Variants in RERE observed in about 807,000 individuals in gnomAD.
RERE encodes arginine-glutamic acid dipeptide repeats protein.
RERE carries 40 observed loss-of-function variants against 146.1 expected under a neutral mutation model. That is an observed-to-expected ratio of 0.27 (90% CI 0.21 to 0.36). RERE has a LOEUF of 0.36. Among genes scored for constraint, RERE ranks in the 10% least tolerant of loss-of-function variants. The pLI, the probability that RERE is intolerant of heterozygous loss-of-function variation, is 1.00. For synonymous variants in RERE, 1,003 were observed against 866.0 expected (o/e 1.16, Z -2.78); for missense variants, 1,933 against 2,138.7 (o/e 0.90, Z 1.90).
chr1:8,799,897 C>T (rs966161344), intron 1 of RERE, among the ~76,000 whole-genome samples: 5 of 151,894 alleles, frequency 3.3e-5, no homozygotes, highest in African/African-American at 9.7e-5. Context: ...CCACAACCTC[C>T]ATCTCCCAAG....
At chr1:8,500,778 C>G (rs1645124452) in intron 8 of RERE, among the ~76,000 whole-genome samples, 2 of 151,764 alleles carry the variant, frequency 1.3e-5, no homozygotes, top group South Asian at 4.2e-4. Flanking sequence ...CGCCTCTTCC[C>G]CGCCGCCCAT....
At chr1:8,485,334 CTGGGGAACAACAGCG>C (rs1644885262) in intron 10 of RERE, among the ~76,000 whole-genome samples, 1 of 152,060 alleles carries the variant, frequency 6.6e-6, no homozygotes, top group Non-Finnish European at 1.5e-5. Flanking sequence ...GCACTCCAGC[CTGGGGAACAACAGCG>C]AAACTCTGTC....
At chr1:8,406,814 C>A (rs201106602) in intron 12 of RERE, among the ~76,000 whole-genome samples, 1 of 140,782 alleles carries the variant, frequency 7.1e-6, no homozygotes, top group East Asian at 2.1e-4. Flanking sequence ...TCTTAAAAAA[C>A]CTAAGAAGTA....
At chr1:8,532,226 A>C (rs1645663413) in intron 7 of RERE, among the ~76,000 whole-genome samples, 2 of 152,192 alleles carry the variant, frequency 1.3e-5, no homozygotes, top group Non-Finnish European at 2.9e-5. Context: ...ATTTCATTTA[A>C]ACATTTTACA....
chr1:8,814,190 G>A (rs1390258517), intron 1 of RERE, among the ~76,000 whole-genome samples: 2 of 152,150 alleles, frequency 1.3e-5, no homozygotes, highest in African/African-American at 4.8e-5. Context: ...AAAGTAAAGT[G>A]AATCAGAAGT....
intron 12 of RERE, among the ~76,000 whole-genome samples, chr1:8,412,142 A>G (rs1159636037): frequency 6.6e-6 from 1 of 152,204 alleles, no homozygotes; most frequent in African/African-American, 2.4e-5. Context: ...CAAACACACA[A>G]AAGTTACTAT....
At chr1:8,726,408 C>T (rs544797898) in intron 1 of RERE, among the ~76,000 whole-genome samples, 1 of 152,254 alleles carries the variant, frequency 6.6e-6, no homozygotes, top group East Asian at 1.9e-4. Flanking sequence ...CCGCCTCGGC[C>T]TCCCAAAGTG....
chr1:8,386,103 A>G (rs1160822883), intron 12 of RERE, among the ~76,000 whole-genome samples: 1 of 129,302 alleles, frequency 7.7e-6, no homozygotes, highest in East Asian at 2.6e-4. Context: ...CTAAGCTTCC[A>G]TGTAGGTGAA....
chr1:8,728,587 A>G (rs1640019029), intron 1 of RERE, among the ~76,000 whole-genome samples: 1 of 152,252 alleles, frequency 6.6e-6, no homozygotes, highest in Non-Finnish European at 1.5e-5. Flanking sequence ...TGAGATCAGC[A>G]GTATTTCCTC....
chr1:8,771,124 G>GC (rs1441213592), intron 1 of RERE, among the ~76,000 whole-genome samples: 2 of 152,034 alleles, frequency 1.3e-5, no homozygotes, highest in Non-Finnish European at 2.9e-5. Context: ...CAACCCACCT[G>GC]CTGGGGGGGG....
chr1:8,730,966 T>C (rs981109562), intron 1 of RERE, among the ~76,000 whole-genome samples: 1 of 152,086 alleles, frequency 6.6e-6, no homozygotes, highest in African/African-American at 2.4e-5. Flanking sequence ...CTAAACAAAC[T>C]GAAATCAATG....
chr1:8,745,256 C>T lies in RERE; in HGVS notation c.-145+71904G>A, dbSNP rs559738225. On this transcript the variant is annotated intron_variant, in intron 1 of 22. Transcript: ENST00000400908. ...CTTCCTCCTTTGCTCCTCACTCGCTCGTGCCACCTTGTGAAGGTGCCTGCT... is the reference window on the plus strand; with the variant it reads ...CTTCCTCCTTTGCTCCTCACTCGCTTGTGCCACCTTGTGAAGGTGCCTGCT... Among the ~76,000 whole-genome samples the T allele has an allele frequency of 1.3e-4, 20 of 152,234 alleles. No individual in the cohort carries two copies. In the Middle Eastern group the frequency reaches 0.024, roughly 181 times the overall value.
intron 1 of RERE, among the ~76,000 whole-genome samples, chr1:8,815,067 A>C (rs1369717099): frequency 2.6e-5 from 4 of 152,198 alleles, no homozygotes; most frequent in African/African-American, 9.7e-5. Flanking sequence ...CTTTCCAAAC[A>C]ATTAACCAGT....
chr1:8,421,582 T>C lies in RERE; in HGVS notation c.1284+1145A>G, dbSNP rs552955619. ...TCCATTTATATATACAAGACTATACTTGAAATCACAAAACCCTTCTTCCCC... is the reference window on the plus strand; with the variant it reads ...TCCATTTATATATACAAGACTATACCTGAAATCACAAAACCCTTCTTCCCC... On this transcript the variant is annotated intron_variant, in intron 12 of 22. Coordinates refer to ENST00000400908, the MANE Select transcript of RERE (RefSeq NM_001042681.2). Among the ~76,000 whole-genome samples, 10 of 152,270 alleles carry C rather than the reference T, an allele frequency of 6.6e-5. No individual in the cohort carries two copies. In the South Asian group the frequency reaches 1.7e-3, roughly 25 times the overall value.
intron 12 of RERE, among the ~76,000 whole-genome samples, chr1:8,416,049 A>G (rs1035609617): frequency 2.0e-5 from 3 of 152,272 alleles, no homozygotes; most frequent in African/African-American, 7.2e-5. Context: ...AAAAGAAAGC[A>G]ATGCCCGAAA....
At chr1:8,593,999 T>C (rs538876404) in intron 4 of RERE, among the ~76,000 whole-genome samples, 1 of 152,134 alleles carries the variant, frequency 6.6e-6, no homozygotes, top group Non-Finnish European at 1.5e-5. Flanking sequence ...AACATAGATG[T>C]TTATCTTAAA....
At chr1:8,494,841 T>C (rs1005550987) in intron 10 of RERE, among the ~76,000 whole-genome samples, 1 of 152,212 alleles carries the variant, frequency 6.6e-6, no homozygotes, top group Non-Finnish European at 1.5e-5. Flanking sequence ...AGGATCTCAT[T>C]TGAGAGTCAC....
chr1:8,652,173 C>T (rs1293338692), intron 2 of RERE, among the ~76,000 whole-genome samples: 4 of 152,192 alleles, frequency 2.6e-5, no homozygotes, highest in African/African-American at 9.6e-5. Context: ...CTGGACCTGG[C>T]AGGATGCAAA....
chr1:8,764,849 G>C (rs1447260132), intron 1 of RERE, among the ~76,000 whole-genome samples: 1 of 152,162 alleles, frequency 6.6e-6, no homozygotes, highest in Non-Finnish European at 1.5e-5. Context: ...CAGATAGTAA[G>C]TATTAGTGCT....
Sources: gnomAD v4.1 joint callset for allele counts (sites outside exome capture counted in the v4.1 genomes callset) on GRCh38, gnomAD v4.1.1 for gene constraint, MANE v1.5 for transcripts, NCBI Gene and HGNC (gene_info 2026-07-23, HGNC 2026-07-21) for gene names.